The following GPM6A variants were observed in gnomAD, a reference collection of about 807,000 sequenced individuals.
The protein encoded by GPM6A is glycoprotein M6A.
Under a neutral mutation model 32.1 loss-of-function variants are expected in GPM6A, and 7 were observed. The observed-to-expected ratio is 0.22, with a 90% CI of 0.12 to 0.41. The LOEUF (loss-of-function observed/expected upper bound fraction) is 0.41, where lower values mean the gene tolerates loss of function less well. Ranked by LOEUF, GPM6A falls within the 10% of genes least tolerant of loss-of-function variation. GPM6A has a pLI of 1.00. For missense variants in GPM6A, 235 were observed against 347.2 expected, an observed-to-expected ratio of 0.68 and a Z score of 2.57; for synonymous variants, 130 against 123.4, an observed-to-expected ratio of 1.05 and a Z score of -0.35.
chr4:175,637,685 A>AAT (rs1740847205), intron 6 of GPM6A, among the ~76,000 whole-genome samples: 2 of 79,284 alleles, frequency 2.5e-5, no homozygotes, highest in Non-Finnish European at 4.3e-5. Context: ...ATATATATAT[A>AAT]ATATATAATA....
intron 1 of GPM6A, among the ~76,000 whole-genome samples, chr4:175,884,166 T>G (rs1165331848): frequency 6.6e-6 from 1 of 152,202 alleles, no homozygotes; most frequent in Non-Finnish European, 1.5e-5. Context: ...AAGCATTACT[T>G]TTGTTTTAAA....
At chr4:175,686,936 A>G (rs1227517243) in intron 2 of GPM6A, among the ~76,000 whole-genome samples, 1 of 152,198 alleles carries the variant, frequency 6.6e-6, no homozygotes, top group Non-Finnish European at 1.5e-5. Context: ...GAAAATGGCA[A>G]TTTTAAAAAG....
intron 1 of GPM6A, among the ~76,000 whole-genome samples, chr4:175,910,150 C>T (rs1738268306): frequency 6.6e-6 from 1 of 152,050 alleles, no homozygotes; most frequent in Non-Finnish European, 1.5e-5. Context: ...CGCAGTGTTC[C>T]TGAATATTTA....
intron 1 of GPM6A, among the ~76,000 whole-genome samples, chr4:175,939,934 C>T (rs1013635654): frequency 2.0e-5 from 3 of 151,710 alleles, no homozygotes; most frequent in Non-Finnish European, 4.4e-5. Context: ...TTCCAGACTA[C>T]ATATAATATT....
At chr4:175,860,234 G>A (rs1174056073) in intron 1 of GPM6A, among the ~76,000 whole-genome samples, 2 of 150,692 alleles carry the variant, frequency 1.3e-5, no homozygotes, top group African/African-American at 4.9e-5. Flanking sequence ...TGAAACAATA[G>A]AGAAAAATCA....
chr4:175,760,838 T>C (rs1347322770), intron 1 of GPM6A, among the ~76,000 whole-genome samples: 2 of 152,046 alleles, frequency 1.3e-5, no homozygotes, highest in African/African-American at 4.8e-5. Flanking sequence ...GAAATGTTTG[T>C]CTGGGTACAT....
chr4:175,849,034 C>T (rs183069340), intron 1 of GPM6A, among the ~76,000 whole-genome samples: 151 of 152,166 alleles, frequency 9.9e-4, no homozygotes, highest in Middle Eastern at 3.4e-3. Context: ...ATATTTATTT[C>T]TGCATGTGAA....
intron 2 of GPM6A, among the ~76,000 whole-genome samples, chr4:175,696,597 C>T (rs561608489): frequency 6.6e-6 from 1 of 152,254 alleles, no homozygotes; most frequent in African/African-American, 2.4e-5. Flanking sequence ...TTATGTTTGA[C>T]TCCCCAAGAA....
At chr4:175,754,749 G>A (rs1278820748) in intron 1 of GPM6A, among the ~76,000 whole-genome samples, 1 of 152,060 alleles carries the variant, frequency 6.6e-6, no homozygotes, top group Admixed American at 6.6e-5. Flanking sequence ...CACAGACAAG[G>A]CTAGTGTAGA....
At chr4:175,680,831 C>T (rs557722947) in intron 2 of GPM6A, among the ~76,000 whole-genome samples, 1 of 152,254 alleles carries the variant, frequency 6.6e-6, no homozygotes, top group South Asian at 2.1e-4. Flanking sequence ...ATGAAATGTG[C>T]ATACTCCATA....
At chr4:175,982,570 T>C (rs1740849753) in intron 1 of GPM6A, among the ~76,000 whole-genome samples, 1 of 152,214 alleles carries the variant, frequency 6.6e-6, no homozygotes, top group Non-Finnish European at 1.5e-5. Flanking sequence ...GATGTGGGTT[T>C]ATCTCTAGAG....
At chr4:175,987,970 ATTATTTG>A (rs1741029440) in intron 1 of GPM6A, among the ~76,000 whole-genome samples, 2 of 152,134 alleles carry the variant, frequency 1.3e-5, no homozygotes, top group Admixed American at 1.3e-4. Flanking sequence ...AGAAATTAGA[ATTATTTG>A]TTAGTTGTGA....
chr4:175,694,982 C>T (rs754740785), intron 2 of GPM6A, among the ~76,000 whole-genome samples: 3 of 152,162 alleles, frequency 2.0e-5, no homozygotes, highest in Non-Finnish European at 4.4e-5. Flanking sequence ...CTAAAAGACC[C>T]CCAAGTATAC....
upstream of GPM6A, chr4:175,812,339 T>TTTGA: frequency 7.7e-7 from 1 of 1,304,908 alleles, no homozygotes; most frequent in Non-Finnish European, 1.0e-6. Flanking sequence ...TTTTTTTTTT[T>TTTGA]TCCTGGGAAG....
intron 1 of GPM6A, among the ~76,000 whole-genome samples, chr4:175,897,579 C>A (rs1228262250): frequency 1.3e-5 from 2 of 152,092 alleles, no homozygotes; most frequent in Admixed American, 6.6e-5. Context: ...TTCTACTACC[C>A]CTGGATTCCT....
chr4:175,672,737 C>A (rs1299361953), intron 3 of GPM6A, among the ~76,000 whole-genome samples: 1 of 151,988 alleles, frequency 6.6e-6, no homozygotes, highest in East Asian at 1.9e-4. Context: ...AGTTTTGTCC[C>A]AAACTAAAAA....
chr4:175,999,875 A>G (rs76353283), intron 1 of GPM6A, among the ~76,000 whole-genome samples: 2,886 of 152,220 alleles, frequency 0.019, 46 homozygotes, highest in African/African-American at 0.046. Context: ...CCCTACTACC[A>G]CTAAATAGAA....
At chr4:175,850,245 ATTAGAAG>A (rs1294217669) in intron 1 of GPM6A, among the ~76,000 whole-genome samples, 1 of 152,162 alleles carries the variant, frequency 6.6e-6, no homozygotes, top group African/African-American at 2.4e-5. Flanking sequence ...AGACATGCCT[ATTAGAAG>A]TTTATTACAA....
chr4:175,826,627 G>C (rs1579544954), intron 1 of GPM6A, among the ~76,000 whole-genome samples: 1 of 152,112 alleles, frequency 6.6e-6, no homozygotes, highest in Non-Finnish European at 1.5e-5. Context: ...GGTTCACAAA[G>C]AAGTGAATAC....
Sources: gnomAD v4.1 joint callset for allele counts (sites outside exome capture counted in the v4.1 genomes callset) on GRCh38, gnomAD v4.1.1 for gene constraint, MANE v1.5 for transcripts, NCBI Gene and HGNC (gene_info 2026-07-23, HGNC 2026-07-21) for gene names.